Variants in HS6ST3 observed in about 807,000 individuals in gnomAD.
HS6ST3 encodes heparan-sulfate 6-O-sulfotransferase 3.
In HS6ST3, 12 loss-of-function variants were observed where a neutral mutation model predicts 36.7. The observed-to-expected ratio is 0.33, with a 90% CI of 0.21 to 0.53. HS6ST3 has a LOEUF of 0.53. HS6ST3 is among the 20% of genes least tolerant of loss of function. The probability of loss-of-function intolerance (pLI) is 0.95; values close to 1 mark genes in which losing one functional copy is unlikely to be tolerated. For missense variants in HS6ST3, 584 were observed against 640.9 expected, an observed-to-expected ratio of 0.91 and a Z score of 0.96; for synonymous variants, 240 against 257.5, an observed-to-expected ratio of 0.93 and a Z score of 0.65.
chr13:96,168,462 T>C (rs2054171260), intron 1 of HS6ST3, among the ~76,000 whole-genome samples: 1 of 152,084 alleles, frequency 6.6e-6, no homozygotes, highest in Admixed American at 6.5e-5. Flanking sequence ...TCCCAGCACT[T>C]TGGGTGGCCG....
intron 1 of HS6ST3, among the ~76,000 whole-genome samples, chr13:96,223,033 CT>C (rs770309123): frequency 3.3e-5 from 5 of 152,204 alleles, no homozygotes; most frequent in Non-Finnish European, 7.3e-5. Flanking sequence ...TGGAATATGA[CT>C]GCATAATATG....
At chr13:96,159,199 C>T (rs547757615) in intron 1 of HS6ST3, among the ~76,000 whole-genome samples, 2 of 152,040 alleles carry the variant, frequency 1.3e-5, no homozygotes, top group Non-Finnish European at 2.9e-5. Context: ...AAGCAGGACA[C>T]GTTTCCCTCC....
intron 1 of HS6ST3, among the ~76,000 whole-genome samples, chr13:96,734,035 T>C (rs1289664987): frequency 6.6e-6 from 1 of 152,204 alleles, no homozygotes; most frequent in Non-Finnish European, 1.5e-5. Flanking sequence ...GCACATCAGA[T>C]CCTGGCCATT....
chr13:96,366,448 C>CAAATAAATAAATAAATAAAT (rs3086049), intron 1 of HS6ST3, among the ~76,000 whole-genome samples: 107 of 148,652 alleles, frequency 7.2e-4, no homozygotes, highest in Middle Eastern at 6.9e-3. Context: ...GACCTTGTCT[C>CAAATAAATAAATAAATAAAT]AAATAAATAA....
At chr13:96,313,482 G>A (rs982932022) in intron 1 of HS6ST3, among the ~76,000 whole-genome samples, 5 of 151,892 alleles carry the variant, frequency 3.3e-5, no homozygotes, top group African/African-American at 7.3e-5. Context: ...TTTATGCCTC[G>A]ATTTAGCACT....
At chr13:96,383,671 G>A (rs937564890) in intron 1 of HS6ST3, among the ~76,000 whole-genome samples, 1 of 152,070 alleles carries the variant, frequency 6.6e-6, no homozygotes, top group Non-Finnish European at 1.5e-5. Flanking sequence ...ACTATGAAAG[G>A]CTCAAATCCT....
At chr13:96,228,929 G>A (rs763619840) in intron 1 of HS6ST3, among the ~76,000 whole-genome samples, 22 of 152,164 alleles carry the variant, frequency 1.4e-4, no homozygotes, top group South Asian at 6.2e-4. Flanking sequence ...AGGAATGTGC[G>A]TGTAGGCGTG....
intron 1 of HS6ST3, among the ~76,000 whole-genome samples, chr13:96,192,588 A>T (rs2054293401): frequency 8.3e-6 from 1 of 120,738 alleles, no homozygotes; most frequent in Admixed American, 9.2e-5. Context: ...GGCTGTGTAT[A>T]TTCCATGGGA....
intron 1 of HS6ST3, among the ~76,000 whole-genome samples, chr13:96,271,649 A>G (rs1307675873): frequency 1.3e-5 from 2 of 152,002 alleles, no homozygotes; most frequent in African/African-American, 4.8e-5. Context: ...AAGGTCATGG[A>G]TGCAAGTGCT....
chr13:96,772,450 TG>T (rs1349383348), intron 1 of HS6ST3, among the ~76,000 whole-genome samples: 1 of 152,216 alleles, frequency 6.6e-6, no homozygotes, highest in Non-Finnish European at 1.5e-5. Context: ...GCCATGTTTT[TG>T]TTGGGCCTTG....
intron 1 of HS6ST3, among the ~76,000 whole-genome samples, chr13:96,377,603 A>G (rs780590827): frequency 5.9e-5 from 9 of 152,180 alleles, no homozygotes; most frequent in Non-Finnish European, 1.3e-4. Context: ...AAGAATCAAC[A>G]TTCCTACAGT....
intron 1 of HS6ST3, among the ~76,000 whole-genome samples, chr13:96,477,296 G>A (rs1175153404): frequency 6.6e-6 from 1 of 152,144 alleles, no homozygotes; most frequent in African/African-American, 2.4e-5. Flanking sequence ...GATGCGAATG[G>A]AATTTTCCTT....
intron 1 of HS6ST3, among the ~76,000 whole-genome samples, chr13:96,338,788 C>T (rs538797800): frequency 2.0e-5 from 3 of 152,206 alleles, no homozygotes; most frequent in South Asian, 4.2e-4. Flanking sequence ...GCCCCTTTCT[C>T]GTCATTTGGT....
intron 1 of HS6ST3, among the ~76,000 whole-genome samples, chr13:96,213,136 A>G (rs188866357): frequency 6.6e-6 from 1 of 152,356 alleles, no homozygotes; most frequent in East Asian, 1.9e-4. Flanking sequence ...AAATCCAAAT[A>G]TTGACTTTAA....
intron 1 of HS6ST3, among the ~76,000 whole-genome samples, chr13:96,252,072 A>G (rs76396926): frequency 0.016 from 2,407 of 152,256 alleles, 63 homozygotes; most frequent in African/African-American, 0.056. Flanking sequence ...TTTGGCATAT[A>G]GTGTTATTCA....
intron 1 of HS6ST3, among the ~76,000 whole-genome samples, chr13:96,128,257 A>G (rs553417690): frequency 1.3e-5 from 2 of 152,316 alleles, no homozygotes; most frequent in African/African-American, 2.4e-5. Context: ...CTTATAACTA[A>G]TAGAGTTGAC....
intron 1 of HS6ST3, among the ~76,000 whole-genome samples, chr13:96,238,362 T>C (rs2054544478): frequency 6.6e-6 from 1 of 152,214 alleles, no homozygotes; most frequent in Non-Finnish European, 1.5e-5. Flanking sequence ...TTTTCATCCA[T>C]TGGTCAGCCA....
chr13:96,255,184 G>A (rs2139379981), intron 1 of HS6ST3, among the ~76,000 whole-genome samples: 1 of 152,296 alleles, frequency 6.6e-6, no homozygotes, highest in South Asian at 2.1e-4. Context: ...TCCACAGGGA[G>A]TTATCTTCTA....
chr13:96,693,246 C>G, intron 1 of HS6ST3, among the ~76,000 whole-genome samples: 1 of 152,106 alleles, frequency 6.6e-6, no homozygotes, highest in Middle Eastern at 3.2e-3. Flanking sequence ...ACAACCTTCT[C>G]TAATGTTTGA....
Sources: gnomAD v4.1 joint callset for allele counts (sites outside exome capture counted in the v4.1 genomes callset) on GRCh38, gnomAD v4.1.1 for gene constraint, MANE v1.5 for transcripts, NCBI Gene and HGNC (gene_info 2026-07-23, HGNC 2026-07-21) for gene names.